NEGR1: variants seen among roughly 807,000 people sequenced by gnomAD.
The protein encoded by NEGR1 is neuronal growth regulator 1.
NEGR1 carries 10 observed loss-of-function variants against 40.9 expected under a neutral mutation model. The observed-to-expected ratio is 0.24, with a 90% CI of 0.15 to 0.42. The LOEUF (loss-of-function observed/expected upper bound fraction) is 0.42. NEGR1 is among the 10% of genes least tolerant of loss of function. The probability of loss-of-function intolerance (pLI) is 1.00; values close to 1 mark genes in which losing one functional copy is unlikely to be tolerated. For synonymous variants in NEGR1, 185 were observed against 166.8 expected, an observed-to-expected ratio of 1.11 and a Z score of -0.84; for missense variants, 352 against 438.9, an observed-to-expected ratio of 0.80 and a Z score of 1.77.
rs1013952270 is a variant in NEGR1 at position 71,396,504 on chromosome 1, A to G, written c.*10942T>C. On this transcript the variant is annotated 3_prime_UTR_variant, in exon 7 of 7. Coordinates refer to ENST00000357731, the MANE Select transcript of NEGR1 (RefSeq NM_173808.3). The stretch of plus-strand genomic sequence containing the variant: ...CAACAAATAACAGGTTCTTCTTGAA[A>G]TGATACTAGCTTGAGAATGTGCCTC... 2.0e-5 allele frequency: 3 copies of G among 152,260 alleles called. No homozygotes were observed. In the East Asian group the frequency reaches 5.8e-4, roughly 29 times the overall value. 9.4% of individuals were successfully genotyped at this position (152,260 alleles called of 1,614,324 possible).
chr1:71,935,041 A>C (rs748918021), intron 2 of NEGR1, 38 bp downstream of exon 2: 1 of 1,187,508 alleles, frequency 8.4e-7, no homozygotes, highest in East Asian at 2.3e-5. Flanking sequence ...ATTTCTAAGC[A>C]CAGTCTTTCA....
intron 6 of NEGR1, among the ~76,000 whole-genome samples, chr1:71,419,967 T>C (rs1357942311): frequency 2.0e-5 from 3 of 150,904 alleles, no homozygotes; most frequent in Non-Finnish European, 4.4e-5. Context: ...ACTCAGACAC[T>C]AGTCAAGATG....
chr1:71,486,694 T>C (rs908917600), intron 6 of NEGR1: 1 of 151,514 alleles, frequency 6.6e-6, no homozygotes, highest in Non-Finnish European at 1.5e-5. Flanking sequence ...ACATCAGCCA[T>C]TTTATGCTCC....
intron 5 of NEGR1, among the ~76,000 whole-genome samples, chr1:71,597,412 T>TTTTA (rs1553152604): frequency 0.016 from 1,935 of 120,570 alleles, 63 homozygotes; most frequent in East Asian, 0.034. Context: ...GGAGTTTTAT[T>TTTTA]TATATATATA....
At chr1:71,593,662 A>C (rs1649582960) in intron 5 of NEGR1, among the ~76,000 whole-genome samples, 1 of 152,326 alleles carries the variant, frequency 6.6e-6, no homozygotes, top group Non-Finnish European at 1.5e-5. Flanking sequence ...ATTGTCCAAC[A>C]GTCTCTGGAT....
intron 1 of NEGR1, among the ~76,000 whole-genome samples, chr1:72,094,990 C>T (rs1397089053): frequency 6.6e-6 from 1 of 152,054 alleles, no homozygotes; most frequent in Non-Finnish European, 1.5e-5. Context: ...ACTATTCTCC[C>T]CACCACTACA....
At chr1:71,656,783 A>T (rs1193185176) in intron 4 of NEGR1, among the ~76,000 whole-genome samples, 1 of 152,176 alleles carries the variant, frequency 6.6e-6, no homozygotes, top group Non-Finnish European at 1.5e-5. Context: ...TAAAAGAGAG[A>T]ATTTGGTGTT....
chr1:71,619,924 A>T (rs1398416967), intron 4 of NEGR1, among the ~76,000 whole-genome samples: 7 of 152,204 alleles, frequency 4.6e-5, no homozygotes, highest in Admixed American at 3.3e-4. Context: ...GCTACCAAAG[A>T]TCTTCTTTCT....
intron 3 of NEGR1, among the ~76,000 whole-genome samples, chr1:71,708,332 A>G (rs770742298): frequency 3.3e-5 from 5 of 152,120 alleles, no homozygotes; most frequent in Admixed American, 2.0e-4. Flanking sequence ...AAAAGAATCA[A>G]GCAATAATTA....
intron 6 of NEGR1, among the ~76,000 whole-genome samples, chr1:71,446,816 T>G (rs1445096242): frequency 6.6e-6 from 1 of 152,214 alleles, no homozygotes; most frequent in Non-Finnish European, 1.5e-5. Flanking sequence ...GTAACTAGCC[T>G]CATCGATAAG....
chr1:71,502,119 A>G (rs1202708941), intron 6 of NEGR1, among the ~76,000 whole-genome samples: 3 of 152,204 alleles, frequency 2.0e-5, no homozygotes, highest in Non-Finnish European at 4.4e-5. Context: ...AAATCTAAGT[A>G]CCGGCAGCCA....
At chr1:71,573,342 T>G (rs1299979181) in intron 6 of NEGR1, 1 of 152,218 alleles carries the variant, frequency 6.6e-6, no homozygotes, top group Non-Finnish European at 1.5e-5. Context: ...AAATTGCCAT[T>G]TTTTTAGATG....
chr1:71,723,335 T>C (rs1468644496), intron 3 of NEGR1, among the ~76,000 whole-genome samples: 8 of 152,112 alleles, frequency 5.3e-5, no homozygotes, highest in Admixed American at 5.2e-4. Flanking sequence ...GAGACAACTT[T>C]TGGCTGGCCC....
chr1:71,650,010 A>G (rs1453075569), intron 4 of NEGR1, among the ~76,000 whole-genome samples: 2 of 152,214 alleles, frequency 1.3e-5, no homozygotes, highest in Non-Finnish European at 2.9e-5. Context: ...ATTATACTCC[A>G]TATGGAATAT....
At chr1:72,024,874 A>G (rs1205260235) in intron 1 of NEGR1, among the ~76,000 whole-genome samples, 1 of 152,190 alleles carries the variant, frequency 6.6e-6, no homozygotes, top group Non-Finnish European at 1.5e-5. Context: ...ACCTCTTTAA[A>G]AAGACAATAT....
intron 2 of NEGR1, among the ~76,000 whole-genome samples, chr1:71,807,873 T>C (rs552891401): frequency 1.7e-4 from 26 of 152,192 alleles, no homozygotes; most frequent in Non-Finnish European, 3.4e-4. Flanking sequence ...TATTTACTTC[T>C]GTTTTCATAA....
At chr1:71,952,457 G>A (rs1003001673) in intron 1 of NEGR1, among the ~76,000 whole-genome samples, 2 of 151,934 alleles carry the variant, frequency 1.3e-5, no homozygotes, top group African/African-American at 4.8e-5. Flanking sequence ...AGAAAGGTGA[G>A]GAAGCTACAG....
chr1:71,506,759 G>A (rs1557549370), intron 6 of NEGR1, among the ~76,000 whole-genome samples: 1 of 152,030 alleles, frequency 6.6e-6, no homozygotes, highest in Admixed American at 6.5e-5. Flanking sequence ...GATGGGATAA[G>A]GCTGTTTGTG....
intron 4 of NEGR1, among the ~76,000 whole-genome samples, chr1:71,659,832 C>A (rs1273743140): frequency 1.3e-5 from 2 of 152,128 alleles, no homozygotes; most frequent in Non-Finnish European, 2.9e-5. Context: ...ATAACAGATG[C>A]TGATGATGTT....
Sources: gnomAD v4.1 joint callset for allele counts (sites outside exome capture counted in the v4.1 genomes callset) on GRCh38, gnomAD v4.1.1 for gene constraint, MANE v1.5 for transcripts, NCBI Gene and HGNC (gene_info 2026-07-23, HGNC 2026-07-21) for gene names.